CSMD3: variants seen among roughly 807,000 people sequenced by gnomAD.
The protein encoded by CSMD3 is CUB and Sushi multiple domains 3.
CSMD3 carries 177 observed loss-of-function variants against 435.2 expected under a neutral mutation model. The observed-to-expected ratio is 0.41, with a 90% CI of 0.36 to 0.46. The LOEUF (loss-of-function observed/expected upper bound fraction) is 0.46, where lower values mean the gene tolerates loss of function less well. CSMD3 is among the 20% of genes least tolerant of loss of function. The pLI is 0.34. For synonymous variants in CSMD3, 1,656 were observed against 1,520.5 expected (o/e 1.09, Z -2.07); for missense variants, 4,265 against 4,504.6 (o/e 0.95, Z 1.52).
intron 35 of CSMD3, among the ~76,000 whole-genome samples, chr8:112,405,472 A>T (rs1831769777): frequency 6.6e-6 from 1 of 151,152 alleles, no homozygotes; most frequent in Non-Finnish European, 1.5e-5. Context: ...ATGTCTATGG[A>T]ACTCTACAAA....
intron 1 of CSMD3, among the ~76,000 whole-genome samples, chr8:113,361,827 C>G (rs1254984913): frequency 1.3e-5 from 2 of 152,088 alleles, no homozygotes; most frequent in East Asian, 3.8e-4. Context: ...AACAATATCC[C>G]TGCCTCATTA....
At chr8:112,263,458 A>C (rs1489193580) in intron 61 of CSMD3, among the ~76,000 whole-genome samples, 181 bp downstream of exon 61, 1 of 152,180 alleles carries the variant, frequency 6.6e-6, no homozygotes, top group African/African-American at 2.4e-5. Context: ...GTTTAGTGTA[A>C]AATTTTGAAT....
rs534374128 is a variant in CSMD3 at position 112,614,799 on chromosome 8, A to C, written c.3715+22018T>G. On this transcript the variant is annotated intron_variant, in intron 22 of 70. Transcript: ENST00000297405. ...TCAGGGATCCGTTATCAGGATTGGAATTTGAATATTTCAAAAACCTCTTAA... is the reference window on the plus strand; with the variant it reads ...TCAGGGATCCGTTATCAGGATTGGACTTTGAATATTTCAAAAACCTCTTAA... Among the ~76,000 whole-genome samples, 595 of 152,242 alleles carry C rather than the reference A, an allele frequency of 3.9e-3. 4 individuals carry two copies. Among genetic ancestry groups the C allele is most frequent in the African/African-American group, 0.012 (512 of 41,554 alleles).
At chr8:113,372,172 G>A (rs966325249) in intron 1 of CSMD3, among the ~76,000 whole-genome samples, 1 of 152,066 alleles carries the variant, frequency 6.6e-6, no homozygotes, top group Non-Finnish European at 1.5e-5. Context: ...CAGAAAACAA[G>A]CTAGTTCCCC....
At chr8:112,393,835 A>G (rs1031318610) in intron 35 of CSMD3, among the ~76,000 whole-genome samples, 3 of 152,046 alleles carry the variant, frequency 2.0e-5, no homozygotes, top group African/African-American at 7.2e-5. Flanking sequence ...TTGCTTGAAC[A>G]TCAGAACACC....
At chr8:112,551,720 C>G (rs902179477) in intron 26 of CSMD3, among the ~76,000 whole-genome samples, 4 of 151,880 alleles carry the variant, frequency 2.6e-5, no homozygotes, top group African/African-American at 9.7e-5. Context: ...CATTGCCTTG[C>G]AAAAGTAATG....
chr8:112,258,496 C>T (rs796256207), intron 61 of CSMD3, among the ~76,000 whole-genome samples: 1 of 152,202 alleles, frequency 6.6e-6, no homozygotes, highest in African/African-American at 2.4e-5. Context: ...CCAAAGAAGA[C>T]ATTTATGCAG....
intron 12 of CSMD3, among the ~76,000 whole-genome samples, chr8:112,809,255 T>A (rs1233188844): frequency 6.6e-6 from 1 of 152,144 alleles, no homozygotes. Flanking sequence ...TTTGCCACCC[T>A]ATTGACCAGG....
chr8:112,886,115 GTT>G (rs2130266522), intron 10 of CSMD3, among the ~76,000 whole-genome samples: 1 of 151,402 alleles, frequency 6.6e-6, no homozygotes, highest in Admixed American at 6.6e-5. Flanking sequence ...TTACTTGTTT[GTT>G]TTTTTCTGAT....
Position 112,286,996 on chromosome 8 carries a change from CT to C in CSMD3, c.9331+67del. The C allele has an allele frequency of 5.5e-6, 7 of 1,262,570 alleles. No individual in the cohort carries two copies. The South Asian group carries it at 8.3e-5, about 15-fold the overall frequency. 78.2% of individuals were successfully genotyped at this position (1,262,570 alleles called of 1,614,324 possible). ...AGTAAGAGTAATTTTCCTAGTAGTA[CT>C]CATCTGGATTTAGATACACACTAAA... On this transcript the variant is annotated intron_variant, in intron 58 of 70. Coordinates refer to ENST00000297405, the MANE Select transcript of CSMD3 (RefSeq NM_198123.2).
At chr8:112,645,062 T>C (rs778448592) in intron 20 of CSMD3, 47 bp downstream of exon 20, 3 of 981,158 alleles carry the variant, frequency 3.1e-6, no homozygotes, top group East Asian at 2.4e-5. Context: ...ATAGACTCAA[T>C]GAAAATTCAG....
chr8:112,401,113 G>T (rs1831301275), intron 35 of CSMD3, among the ~76,000 whole-genome samples: 1 of 152,126 alleles, frequency 6.6e-6, no homozygotes, highest in Non-Finnish European at 1.5e-5. Context: ...GGAGGCTGAG[G>T]TGGGAGGATT....
At chr8:112,824,367 G>A (rs1277972735) in intron 12 of CSMD3, among the ~76,000 whole-genome samples, 1 of 152,022 alleles carries the variant, frequency 6.6e-6, no homozygotes, top group Non-Finnish European at 1.5e-5. Flanking sequence ...GGTTATTTTG[G>A]ACATTAACTG....
intron 13 of CSMD3, among the ~76,000 whole-genome samples, chr8:112,724,822 G>C (rs769817445): frequency 2.6e-5 from 4 of 152,018 alleles, no homozygotes; most frequent in Non-Finnish European, 5.9e-5. Context: ...AAAACAATGT[G>C]ACAGGAGAAA....
chr8:112,234,531 C>T lies in CSMD3; in HGVS notation c.10628-54G>A, dbSNP rs1813394360. 8.7e-6 allele frequency: 8 copies of T among 923,278 alleles called. No homozygotes were observed. In the Admixed American group the frequency reaches 1.4e-4, roughly 16 times the overall value. 57.2% of individuals were successfully genotyped at this position (923,278 alleles called of 1,614,324 possible). On this transcript the variant is annotated intron_variant, in intron 67 of 70. Coordinates refer to ENST00000297405, the MANE Select transcript of CSMD3 (RefSeq NM_198123.2). ...CTTAACTTTGTAAATAGTTATACTT[C>T]ATTTTATTATCTATCATTCCTTAAA...
chr8:113,342,815 C>T (rs1397818171), intron 1 of CSMD3, among the ~76,000 whole-genome samples: 1 of 151,670 alleles, frequency 6.6e-6, no homozygotes, highest in Non-Finnish European at 1.5e-5. Flanking sequence ...AGAATTAGCA[C>T]TCTTCTAAGG....
chr8:112,729,165 C>A (rs2077026306), intron 13 of CSMD3, among the ~76,000 whole-genome samples: 1 of 151,936 alleles, frequency 6.6e-6, no homozygotes, highest in South Asian at 2.1e-4. Context: ...AAAGTACACT[C>A]TCACCAAAAG....
chr8:113,360,390 T>C (rs1007945892), intron 1 of CSMD3, among the ~76,000 whole-genome samples: 2 of 152,138 alleles, frequency 1.3e-5, no homozygotes, highest in African/African-American at 4.8e-5. Context: ...TTAGGACATA[T>C]CAAGAAACTT....
rs373559544 is a variant in CSMD3 at position 113,361,466 on chromosome 8, CTTCA to C, written c.179-46677_179-46674del. Among the ~76,000 whole-genome samples, 104 of 152,062 alleles carry C rather than the reference CTTCA, an allele frequency of 6.8e-4. No homozygotes were observed. In the Middle Eastern group the frequency reaches 0.01, roughly 15 times the overall value. ...TTTTCTTATAATATTTCCTGAATGT[CTTCA>C]TTATCTTTGAATATTTGTCTTTGCT... is the stretch of plus-strand genomic sequence containing the variant. On this transcript the variant is annotated intron_variant, in intron 1 of 70. Transcript: ENST00000297405.
Sources: gnomAD v4.1 joint callset for allele counts (sites outside exome capture counted in the v4.1 genomes callset) on GRCh38, gnomAD v4.1.1 for gene constraint, MANE v1.5 for transcripts, NCBI Gene and HGNC (gene_info 2026-07-23, HGNC 2026-07-21) for gene names.